TM2D1: variants seen among roughly 807,000 people sequenced by gnomAD.
The protein encoded by TM2D1 is TM2 domain containing 1, also known as TM2 domain-containing protein 1.
In TM2D1, 15 loss-of-function variants were observed where a neutral mutation model predicts 28.4. The ratio of observed to expected loss-of-function variants is 0.53; its 90% CI spans 0.35 to 0.81. The LOEUF (loss-of-function observed/expected upper bound fraction) is 0.81. TM2D1 is among the 40% of genes least tolerant of loss of function. TM2D1 has a pLI of 0.01. For synonymous variants in TM2D1, 93 were observed against 96.2 expected (o/e 0.97, Z 0.20); for missense variants, 236 against 254.9 (o/e 0.93, Z 0.50).
chr1:61,697,081 G>A (rs572126990), intron 4 of TM2D1, among the ~76,000 whole-genome samples: 1 of 152,226 alleles, frequency 6.6e-6, no homozygotes, highest in Non-Finnish European at 1.5e-5. Context: ...CTGTGTTCAT[G>A]AAGTATTTTT....
chr1:61,717,473 A>T (rs1343003806), intron 2 of TM2D1, among the ~76,000 whole-genome samples: 2 of 152,222 alleles, frequency 1.3e-5, no homozygotes, highest in African/African-American at 4.8e-5. Flanking sequence ...TTCTTGCAAA[A>T]AGGTTTGGTT....
Position 61,724,976 on chromosome 1 carries a change from C to G in TM2D1, c.145G>C (p.Glu49Gln), listed in dbSNP as rs757583269. ...GGATATTGTCCCACTTTGAGGTCCT[C>G]GCACTTAAGCGACTCCTCGCCCCCG... is the stretch of plus-strand genomic sequence containing the variant. ...SAGGEESLKC[E>Q]DLKVGQYICK... Residue 49 changes from glutamate (E) to glutamine (Q), a missense_variant, in exon 1 of 7, where the codon GAG becomes CAG. Glu to Gln is a conservative substitution (Grantham distance 29). Transcript: ENST00000606498. 2.5e-6 allele frequency: 4 copies of G among 1,603,218 alleles called. No individual in the cohort carries two copies. Among genetic ancestry groups the G allele is most frequent in the Non-Finnish European group, 8.5e-7 (1 of 1,171,548 alleles).
chr1:61,697,843 T>C (rs1644375096), intron 4 of TM2D1: 1 of 152,204 alleles, frequency 6.6e-6, no homozygotes, highest in Admixed American at 6.5e-5. Context: ...CTAGTTTCCT[T>C]AAATGTATTA....
intron 1 of TM2D1, 25 bp downstream of exon 1, chr1:61,724,932 G>T: frequency 6.4e-7 from 1 of 1,564,832 alleles, no homozygotes; most frequent in African/African-American, 1.4e-5. Flanking sequence ...CGCCTCCATG[G>T]GGGGGTGTTC....
intron 2 of TM2D1, 47 bp downstream of exon 2, chr1:61,723,666 T>C: frequency 9.6e-7 from 1 of 1,046,494 alleles, no homozygotes; most frequent in Non-Finnish European, 1.4e-6. Flanking sequence ...ACCTATGAAA[T>C]AATGTTTTTA....
chr1:61,715,968 ATT>A (rs1175479095), intron 2 of TM2D1, among the ~76,000 whole-genome samples: 2 of 146,102 alleles, frequency 1.4e-5, no homozygotes, highest in Non-Finnish European at 3.0e-5. Context: ...TGCCCAGCTA[ATT>A]TTTTTTTTGT....
At chr1:61,703,062 C>T (rs537795126) in intron 3 of TM2D1, among the ~76,000 whole-genome samples, 8 of 151,556 alleles carry the variant, frequency 5.3e-5, no homozygotes, top group Non-Finnish European at 7.4e-5. Context: ...GCCAAGATCA[C>T]GCCATTGCAC....
chr1:61,702,438 G>A (rs933654920), intron 3 of TM2D1, among the ~76,000 whole-genome samples: 22 of 149,810 alleles, frequency 1.5e-4, no homozygotes, highest in African/African-American at 3.9e-4. Flanking sequence ...GCGTGATCTC[G>A]GCTCACTGCA....
At chr1:61,702,023 C>A (rs1292714604) in intron 3 of TM2D1, among the ~76,000 whole-genome samples, 1 of 151,918 alleles carries the variant, frequency 6.6e-6, no homozygotes, top group Non-Finnish European at 1.5e-5. Context: ...AACACAGTCT[C>A]TACTAAAAAT....
chr1:61,690,823 G>C (rs146155071), intron 5 of TM2D1, among the ~76,000 whole-genome samples: 2 of 152,246 alleles, frequency 1.3e-5, no homozygotes, highest in East Asian at 3.9e-4. Context: ...TGTTAGAGTG[G>C]TTTATAATAA....
intron 5 of TM2D1, among the ~76,000 whole-genome samples, chr1:61,689,296 AT>A: frequency 6.6e-6 from 1 of 152,322 alleles, no homozygotes; most frequent in East Asian, 1.9e-4. Context: ...AAATGCAAAG[AT>A]TTTTTAAAAG....
chr1:61,712,493 C>T (rs1644486049), intron 2 of TM2D1, among the ~76,000 whole-genome samples: 1 of 152,146 alleles, frequency 6.6e-6, no homozygotes, highest in African/African-American at 2.4e-5. Flanking sequence ...TCACTGCAAC[C>T]TCCGTCTCCT....
intron 3 of TM2D1, 76 bp from the exon 4 acceptor site, chr1:61,701,101 G>T: frequency 9.1e-7 from 1 of 1,096,930 alleles, no homozygotes; most frequent in Non-Finnish European, 1.4e-6. Context: ...ACTACTACTT[G>T]TTAATTGGTT....
At position 61,702,628 on chromosome 1, in the gene TM2D1, A is replaced by G. The variant is rs190618394; in HGVS notation, c.348-1603T>C. On this transcript the variant is annotated intron_variant, in intron 3 of 6. Transcript: ENST00000606498. ...AGTGACCCACCCGCCTTGGCCTCCC[A>G]AAGTGCTAGGATTACAGGAATGAGC... is the stretch of plus-strand genomic sequence containing the variant. Among the ~76,000 whole-genome samples the G allele has an allele frequency of 8.6e-5, 13 of 151,314 alleles. 1 individual carries two copies. The South Asian group carries it at 1.9e-3, about 22-fold the overall frequency.
chr1:61,684,685 C>CAAG (rs386367121), intron 5 of TM2D1, among the ~76,000 whole-genome samples: 1 of 151,410 alleles, frequency 6.6e-6, no homozygotes, highest in African/African-American at 2.4e-5. Context: ...ATTATTATAA[C>CAAG]AAGTTGATCC....
intron 5 of TM2D1, among the ~76,000 whole-genome samples, chr1:61,686,581 G>T (rs1257251306): frequency 6.6e-6 from 1 of 152,062 alleles, no homozygotes; most frequent in African/African-American, 2.4e-5. Context: ...CATGAGAATT[G>T]CTTGAACCAA....
rs185960656 is a variant in TM2D1 at position 61,716,130 on chromosome 1, G to T, written c.239-6693C>A. 3.3e-3 allele frequency among the ~76,000 whole-genome samples: 496 copies of T among 151,638 alleles called. 6 individuals are homozygous for T. The highest frequency in any genetic ancestry group is 0.026 in the South Asian group (125 of 4,804). The stretch of plus-strand genomic sequence containing the variant: ...GAGCCCAGGAATTTAAGACAAGCCT[G>T]GGCAACATAGTGAGACTCTGTCTCT... On this transcript the variant is annotated intron_variant, in intron 2 of 6. Transcript: ENST00000606498.
intron 5 of TM2D1, among the ~76,000 whole-genome samples, chr1:61,688,211 T>C (rs527336818): frequency 2.0e-4 from 31 of 152,328 alleles, no homozygotes; most frequent in Admixed American, 5.9e-4. Flanking sequence ...AGAACCAGTT[T>C]AAGATATTCT....
chr1:61,695,471 T>C (rs927759100), intron 4 of TM2D1, among the ~76,000 whole-genome samples: 3 of 151,222 alleles, frequency 2.0e-5, no homozygotes, highest in Non-Finnish European at 4.4e-5. Context: ...AAGAGGCAGA[T>C]TGGGGGTGGG....
Sources: allele counts gnomAD v4.1 joint callset (sites outside exome capture counted in the v4.1 genomes callset), GRCh38; gene constraint gnomAD v4.1.1; transcripts MANE v1.5; gene names NCBI Gene and HGNC (gene_info 2026-07-23, HGNC 2026-07-21).